Variants in CASP10 observed in about 807,000 individuals in gnomAD.
The protein encoded by CASP10 is caspase-10.
A neutral mutation model predicts 48.5 loss-of-function variants in CASP10; 41 were observed. That is an observed-to-expected ratio of 0.85 (90% CI 0.66 to 1.10). CASP10 has a LOEUF of 1.10. Ranked by LOEUF, CASP10 falls within the 50% of genes least tolerant of loss-of-function variation. The probability of loss-of-function intolerance (pLI) is 0.00; values close to 1 mark genes in which losing one functional copy is unlikely to be tolerated. For missense variants in CASP10, 614 were observed against 614.5 expected (o/e 1.00, Z 0.01); for synonymous variants, 232 against 238.4 (o/e 0.97, Z 0.25).
At chr2:201,194,320 C>T (rs950985153) in intron 4 of CASP10, among the ~76,000 whole-genome samples, 4 of 152,004 alleles carry the variant, frequency 2.6e-5, no homozygotes, top group South Asian at 2.1e-4. Context: ...TATGCCACAC[C>T]CTTAATTTAG....
chr2:201,207,815 T>G (rs1945258183), intron 7 of CASP10, among the ~76,000 whole-genome samples: 1 of 151,514 alleles, frequency 6.6e-6, no homozygotes, highest in African/African-American at 2.4e-5. Flanking sequence ...GTGGATCCCT[T>G]GAATCCGGGA....
chr2:201,208,768 T>A lies in CASP10; in HGVS notation c.923-302T>A, dbSNP rs369864816. 4.1e-4 allele frequency among the ~76,000 whole-genome samples: 62 copies of A among 152,214 alleles called. No homozygotes were observed. The East Asian group carries it at 0.012, about 29-fold the overall frequency. On this transcript the variant is annotated intron_variant, in intron 8 of 9. Transcript: ENST00000286186. ...GTCCCAGCTCACTGCAACCTCTGCC[T>A]CCCAGGCTCAAGCCATTCTCGTGCC...
intron 4 of CASP10, 54 bp downstream of exon 4, chr2:201,193,173 A>G (rs1240778347): frequency 3.9e-6 from 6 of 1,547,372 alleles, no homozygotes; most frequent in Non-Finnish European, 5.4e-6. Flanking sequence ...TCTTAAACCA[A>G]TTGGCCATGC....
rs768413628 is a variant in CASP10 at position 201,209,533 on chromosome 2, G to T, written c.1386G>T (p.Leu462=). The T allele has an allele frequency of 2.4e-5, 39 of 1,611,140 alleles. No homozygotes were observed. Among genetic ancestry groups the T allele is most frequent in the Non-Finnish European group, 3.1e-5 (37 of 1,179,250 alleles). Residue 462 remains leucine, a synonymous_variant, in exon 9 of 10, where the codon CTG becomes CTT. Coordinates refer to ENST00000286186, the MANE Select transcript of CASP10 (RefSeq NM_032977.4). ...VEEGSWYIQS[L]CNHLKKLVPR... is the part of the protein sequence containing the mutation. Reference sequence around the variant, plus strand: ...AAGGCAGCTGGTATATTCAGTCTCTGTGTAATCATCTGAAGAAATTGGTCC... The same window carrying T: ...AAGGCAGCTGGTATATTCAGTCTCTTTGTAATCATCTGAAGAAATTGGTCC...
Position 201,221,226 on chromosome 2 carries a change from T to C in CASP10, c.*3485T>C, listed in dbSNP as rs945607314. The C allele has an allele frequency of 1.4e-5, 14 of 985,330 alleles. No homozygotes were observed. The African/African-American group carries it at 2.3e-4, about 16-fold the overall frequency. The allele number at this position is 985,330 out of a possible 1,614,324, so 61.0% of individuals were successfully genotyped here. On this transcript the variant is annotated 3_prime_UTR_variant, in exon 10 of 10. Transcript: ENST00000286186. ...TAAGATCTAATTCTTCCCTCACTGG[T>C]TCGTGATGTCTACCGCAGCAGAAGG...
At position 201,188,647 on chromosome 2, in the gene CASP10, G is replaced by C. The variant is rs996332017; in HGVS notation, c.441+848G>C. ...TTGCTGATTGCACACTCGTGGTGCA[G>C]TTTGGCATGTTCCTCTGTCCTCTGC... On this transcript the variant is annotated intron_variant, in intron 3 of 9. Transcript: ENST00000286186. Among the ~76,000 whole-genome samples the C allele has an allele frequency of 2.0e-5, 3 of 152,282 alleles. No individual in the cohort carries two copies. The South Asian group carries it at 6.2e-4, about 32-fold the overall frequency.
At chr2:201,205,184 A>G (rs909325028) in intron 6 of CASP10, among the ~76,000 whole-genome samples, 2 of 151,672 alleles carry the variant, frequency 1.3e-5, no homozygotes, top group African/African-American at 2.4e-5. Flanking sequence ...TCGATGCCCA[A>G]CTGGAACTTT....
At chr2:201,225,746 C>T (rs571483077), downstream of CASP10, among the ~76,000 whole-genome samples, 3 of 152,212 alleles carry the variant, frequency 2.0e-5, no homozygotes, top group East Asian at 3.9e-4. Flanking sequence ...CCGAGGCAGG[C>T]GGATCACCTG....
At chr2:201,211,118 A>G (rs1395684607) in intron 9 of CASP10, among the ~76,000 whole-genome samples, 2 of 152,124 alleles carry the variant, frequency 1.3e-5, no homozygotes, top group Non-Finnish European at 2.9e-5. Flanking sequence ...TCTTGTAGCT[A>G]TTTTGTAATA....
chr2:201,216,906 C>A (rs546010474), intron 9 of CASP10, among the ~76,000 whole-genome samples: 1 of 152,300 alleles, frequency 6.6e-6, no homozygotes, highest in Admixed American at 6.5e-5. Context: ...ATATGTCCTG[C>A]AAGCCCAGGC....
At chr2:201,186,154 G>A (rs1576061708) in intron 2 of CASP10, 30 bp downstream of exon 2, 2 of 1,498,202 alleles carry the variant, frequency 1.3e-6, no homozygotes, top group Non-Finnish European at 1.9e-6. Flanking sequence ...GGAGATGGGA[G>A]GATCTCCCAT....
rs760456317 is a variant in CASP10, at chr2:201,200,879, G to A, written c.685-2851G>A. On this transcript the variant is annotated intron_variant, in intron 5 of 9. Coordinates refer to ENST00000286186, the MANE Select transcript of CASP10 (RefSeq NM_032977.4). ...CAATTAATTCCAATCCTAGAAAAGC[G>A]CCTAGATATCTGATTGAGGTATTGA... Among the ~76,000 whole-genome samples the A allele has an allele frequency of 3.3e-5, 5 of 151,952 alleles. No individual in the cohort carries two copies. In the South Asian group the frequency reaches 6.2e-4, roughly 19 times the overall value.
At chr2:201,203,678 T>C in intron 5 of CASP10, 52 bp from the exon 6 acceptor site, 1 of 1,529,320 alleles carries the variant, frequency 6.5e-7, no homozygotes, top group Non-Finnish European at 9.1e-7. Flanking sequence ...TTGTTCCTCA[T>C]CCTAACTGTG....
chr2:201,214,269 A>G (rs1424497669), intron 9 of CASP10: 3 of 152,188 alleles, frequency 2.0e-5, no homozygotes, highest in Non-Finnish European at 4.4e-5. Flanking sequence ...GGTGATAATA[A>G]TTAAGATAGG....
chr2:201,190,590 G>A (rs1021896784), intron 3 of CASP10, among the ~76,000 whole-genome samples: 2 of 151,934 alleles, frequency 1.3e-5, no homozygotes, highest in East Asian at 1.9e-4. Flanking sequence ...TGGGGCATCC[G>A]CTCACAAATT....
At chr2:201,226,788 A>G (rs1231262477) in intron 9 of CASP10, among the ~76,000 whole-genome samples, 1 of 152,234 alleles carries the variant, frequency 6.6e-6, no homozygotes, top group African/African-American at 2.4e-5. Context: ...AATACTATCA[A>G]GTAGTGAAAT....
chr2:201,202,788 T>C (rs1188456818), intron 5 of CASP10, among the ~76,000 whole-genome samples: 3 of 151,996 alleles, frequency 2.0e-5, no homozygotes, highest in Non-Finnish European at 2.9e-5. Flanking sequence ...CTGAGAGTCA[T>C]AGGGGGAAGG....
intron 3 of CASP10, among the ~76,000 whole-genome samples, chr2:201,191,349 C>A (rs1203696986): frequency 1.3e-5 from 2 of 152,040 alleles, no homozygotes; most frequent in Non-Finnish European, 2.9e-5. Context: ...TTCAGGAAAA[C>A]CATATTTCCT....
chr2:201,218,464 C>A lies in CASP10; in HGVS notation c.*723C>A. The A allele has an allele frequency of 1.5e-6, 1 of 679,352 alleles. No individual in the cohort carries two copies. Among genetic ancestry groups the A allele is most frequent in the African/African-American group, 2.0e-5 (1 of 50,864 alleles). 42.1% of individuals were successfully genotyped at this position (679,352 alleles called of 1,614,324 possible). A position where few individuals can be genotyped will look rare whatever the true frequency, so the allele number is the denominator to read the frequency against. ...ACTACAGGTGTGTGTCCATGCACAGCTAACTTTTTATTTTTTTTGTGGAGA... is the reference window on the plus strand; with the variant it reads ...ACTACAGGTGTGTGTCCATGCACAGATAACTTTTTATTTTTTTTGTGGAGA... On this transcript the variant is annotated 3_prime_UTR_variant, in exon 10 of 10. Coordinates refer to ENST00000286186, the MANE Select transcript of CASP10 (RefSeq NM_032977.4).
Sources: gnomAD v4.1 joint callset for allele counts (sites outside exome capture counted in the v4.1 genomes callset) on GRCh38, gnomAD v4.1.1 for gene constraint, MANE v1.5 for transcripts, NCBI Gene and HGNC (gene_info 2026-07-23, HGNC 2026-07-21) for gene names.